JAZF1: variants seen among roughly 807,000 people sequenced by gnomAD.
JAZF1 encodes juxtaposed with another zinc finger protein 1.
In JAZF1, 8 loss-of-function variants were observed where a neutral mutation model predicts 26.4. The observed-to-expected ratio is 0.30, with a 90% confidence interval of 0.18 to 0.55. The LOEUF (loss-of-function observed/expected upper bound fraction) is 0.55. Ranked by LOEUF, JAZF1 falls within the 20% of genes least tolerant of loss-of-function variation. JAZF1 has a pLI of 0.94. For missense variants in JAZF1, 199 were observed against 322.0 expected, an observed-to-expected ratio of 0.62 and a Z score of 2.92; for synonymous variants, 126 against 122.3, an observed-to-expected ratio of 1.03 and a Z score of -0.20.
intron 2 of JAZF1, among the ~76,000 whole-genome samples, chr7:27,984,734 A>G (rs1181396554): frequency 6.6e-6 from 1 of 152,218 alleles, no homozygotes; most frequent in Admixed American, 6.5e-5. Context: ...GTAAAAGAAC[A>G]GAAATTATAA....
chr7:28,112,029 T>C (rs886662), intron 1 of JAZF1, among the ~76,000 whole-genome samples: 136,657 of 152,258 alleles, frequency 0.9, 61,555 homozygotes, highest in East Asian at 0.98. Flanking sequence ...TCACTTTGCT[T>C]TTGTTTCCAG....
intron 1 of JAZF1, among the ~76,000 whole-genome samples, chr7:28,036,701 G>A (rs1783300445): frequency 6.6e-6 from 1 of 152,154 alleles, no homozygotes; most frequent in South Asian, 2.1e-4. Context: ...TTCTTAACGT[G>A]GGTTAGTGGC....
chr7:27,856,437 CTG>C (rs1263428856), intron 3 of JAZF1, among the ~76,000 whole-genome samples: 1 of 152,190 alleles, frequency 6.6e-6, no homozygotes, highest in Non-Finnish European at 1.5e-5. Context: ...AGTTTCCACA[CTG>C]TGGAAAGGGA....
chr7:27,920,799 A>G (rs918063676), intron 2 of JAZF1, among the ~76,000 whole-genome samples: 9 of 152,196 alleles, frequency 5.9e-5, no homozygotes, highest in African/African-American at 2.2e-4. Flanking sequence ...AAGGGAAAAT[A>G]TATGGTGTAA....
intron 3 of JAZF1, among the ~76,000 whole-genome samples, chr7:27,871,128 T>C (rs888070235): frequency 1.3e-5 from 2 of 152,230 alleles, no homozygotes; most frequent in Non-Finnish European, 2.9e-5. Flanking sequence ...GATTTTCCAA[T>C]TCTAAGTTCT....
chr7:28,129,474 T>G (rs1249949396), intron 1 of JAZF1, among the ~76,000 whole-genome samples: 2 of 152,138 alleles, frequency 1.3e-5, no homozygotes, highest in Non-Finnish European at 2.9e-5. Flanking sequence ...CCCAGGTGAT[T>G]TTCATACAGG....
At chr7:27,914,508 A>G (rs1302712903) in intron 2 of JAZF1, among the ~76,000 whole-genome samples, 1 of 152,152 alleles carries the variant, frequency 6.6e-6, no homozygotes, top group Non-Finnish European at 1.5e-5. Flanking sequence ...GTTTAGGTTT[A>G]TATAAATTGT....
intron 1 of JAZF1, among the ~76,000 whole-genome samples, chr7:28,178,420 A>G (rs765730023): frequency 2.0e-5 from 3 of 152,228 alleles, no homozygotes; most frequent in African/African-American, 4.8e-5. Context: ...CTCAGCTTAT[A>G]TAAATTATAG....
chr7:27,891,605 T>C (rs537476749), intron 3 of JAZF1, among the ~76,000 whole-genome samples: 7 of 152,086 alleles, frequency 4.6e-5, no homozygotes, highest in African/African-American at 7.2e-5. Context: ...GGCAGGAGGA[T>C]TGCTTGAGGC....
chr7:27,938,452 C>T (rs751476877), intron 2 of JAZF1, among the ~76,000 whole-genome samples: 2 of 152,206 alleles, frequency 1.3e-5, no homozygotes, highest in Non-Finnish European at 2.9e-5. Flanking sequence ...TGTCCTGTAG[C>T]GATTTCATGG....
chr7:28,005,899 A>G (rs78805619), intron 1 of JAZF1, among the ~76,000 whole-genome samples: 1 of 143,020 alleles, frequency 7.0e-6, no homozygotes, highest in African/African-American at 2.6e-5. Flanking sequence ...AAAAAAAAAA[A>G]GGCTTAAATT....
intron 1 of JAZF1, among the ~76,000 whole-genome samples, chr7:28,092,974 CAT>C (rs1310310442): frequency 2.6e-5 from 4 of 152,134 alleles, no homozygotes; most frequent in African/African-American, 7.2e-5. Context: ...TTTCCTAAAA[CAT>C]ATCCCTGAAA....
chr7:28,020,134 T>C (rs1216174631), intron 1 of JAZF1, among the ~76,000 whole-genome samples: 6 of 152,186 alleles, frequency 3.9e-5, no homozygotes, highest in Non-Finnish European at 8.8e-5. Context: ...ATCCTAATAG[T>C]GCTGTTCTTA....
intron 2 of JAZF1, among the ~76,000 whole-genome samples, chr7:27,933,459 G>C (rs1173440470): frequency 6.6e-6 from 1 of 152,168 alleles, no homozygotes; most frequent in Admixed American, 6.5e-5. Context: ...GGACTCTCCA[G>C]TTTATTACAA....
chr7:28,131,313 TAAAAA>T lies in JAZF1; in HGVS notation c.115+49145_115+49149del, dbSNP rs35200756. ...CTTAAAATGAGTGTTCTCTATCACT[TAAAAA>T]AAAAAAAATCTAAATGAGTATACCT... On this transcript the variant is annotated intron_variant, in intron 1 of 4. Transcript: ENST00000283928. Among the ~76,000 whole-genome samples, 16 of 145,842 alleles carry T rather than the reference TAAAAA, an allele frequency of 1.1e-4. No homozygotes were observed. In the East Asian group the frequency reaches 3.2e-3, roughly 29 times the overall value.
chr7:28,075,625 T>TA (rs1784039266), intron 1 of JAZF1, among the ~76,000 whole-genome samples: 1 of 152,208 alleles, frequency 6.6e-6, no homozygotes. Flanking sequence ...ATAAGTGACT[T>TA]ACTTTACTTA....
At chr7:28,045,540 C>T (rs1783481431) in intron 1 of JAZF1, among the ~76,000 whole-genome samples, 1 of 152,192 alleles carries the variant, frequency 6.6e-6, no homozygotes, top group South Asian at 2.1e-4. Context: ...GTTAAAAGTG[C>T]AATGAGTGTG....
At chr7:27,923,892 C>T (rs574130000) in intron 2 of JAZF1, among the ~76,000 whole-genome samples, 1 of 152,178 alleles carries the variant, frequency 6.6e-6, no homozygotes, top group African/African-American at 2.4e-5. Context: ...ATGGGCTTGT[C>T]CAGGGTTAAT....
intron 2 of JAZF1, among the ~76,000 whole-genome samples, chr7:27,910,598 C>T (rs1441328060): frequency 6.6e-6 from 1 of 152,116 alleles, no homozygotes; most frequent in East Asian, 1.9e-4. Context: ...GAGTACAGGC[C>T]CCTATTTCAG....
Sources: allele counts gnomAD v4.1 joint callset (sites outside exome capture counted in the v4.1 genomes callset), GRCh38; gene constraint gnomAD v4.1.1; transcripts MANE v1.5; gene names NCBI Gene and HGNC (gene_info 2026-07-23, HGNC 2026-07-21).